GTF2H3: variants seen among roughly 807,000 people sequenced by gnomAD.
The protein encoded by GTF2H3 is general transcription factor IIH subunit 3.
GTF2H3 carries 42 observed loss-of-function variants against 51.1 expected under a neutral mutation model. That is an observed-to-expected ratio of 0.82 (90% CI 0.64 to 1.06). GTF2H3 has a LOEUF of 1.06. Among genes scored for constraint, GTF2H3 ranks in the 50% least tolerant of loss-of-function variants. The probability of loss-of-function intolerance (pLI) is 0.00; values close to 1 mark genes in which losing one functional copy is unlikely to be tolerated. For synonymous variants in GTF2H3, 123 were observed against 123.8 expected (o/e 0.99, Z 0.04); for missense variants, 326 against 366.1 (o/e 0.89, Z 0.89).
chr12:123,646,103 T>C (rs575174451), intron 3 of GTF2H3, among the ~76,000 whole-genome samples: 1 of 152,208 alleles, frequency 6.6e-6, no homozygotes, highest in African/African-American at 2.4e-5. Context: ...TGTGTTAGAC[T>C]CACTGCAAGA....
At chr12:123,655,918 G>T in intron 9 of GTF2H3, 94 bp downstream of exon 9, 15 of 762,934 alleles carry the variant, frequency 2.0e-5, no homozygotes, top group South Asian at 7.2e-5. Context: ...GGGTATATTG[G>T]GTTAAATAAA....
chr12:123,642,997 G>A (rs1214253469), intron 2 of GTF2H3, among the ~76,000 whole-genome samples: 1 of 152,048 alleles, frequency 6.6e-6, no homozygotes, highest in Non-Finnish European at 1.5e-5. Context: ...TCAGCCTCCC[G>A]AGTAGCTGGG....
Position 123,660,059 on chromosome 12 carries a change from C to T in GTF2H3, c.834C>T (p.Phe278=). Residue 278 remains phenylalanine, a synonymous_variant, in exon 12 of 13, where the codon TTC becomes TTT. Coordinates refer to ENST00000543341, the MANE Select transcript of GTF2H3 (RefSeq NM_001516.5). ...TTTAATTTACAGTATTCTGCAATTT[C>T]AGCCCCATTTGTACTACGTGCGAGT... The part of the protein sequence containing the change: ...CSVCLSIFCN[F]SPICTTCETA... 1.2e-6 allele frequency: 2 copies of T among 1,604,546 alleles called. No individual in the cohort carries two copies. The highest frequency in any genetic ancestry group is 1.7e-4 in the Middle Eastern group (1 of 5,908).
chr12:123,645,548 C>T lies in GTF2H3; in HGVS notation c.187C>T (p.His63Tyr), dbSNP rs1955434483. The change falls in exon 3 of 13, where the codon CAC (histidine) becomes TAC (tyrosine). Residue 63 changes from histidine (H) to tyrosine (Y), a missense_variant. Physicochemically the swap from His to Tyr is moderately conservative, Grantham distance 83. Transcript: ENST00000543341. ...RSNKLAVIAS[H>Y]IQESRFLYPG... is the part of the protein sequence containing the mutation. ...CAACAAACTTGCTGTGATAGCAAGT[C>T]ACATTCAAGAAAGGTATGACCATTG... 3.2e-6 allele frequency: 5 copies of T among 1,564,272 alleles called. No individual in the cohort carries two copies. The highest frequency in any genetic ancestry group is 1.4e-5 in the African/African-American group (1 of 73,972).
chr12:123,646,761 A>G (rs1456199000), intron 3 of GTF2H3, among the ~76,000 whole-genome samples: 1 of 151,270 alleles, frequency 6.6e-6, no homozygotes, highest in African/African-American at 2.4e-5. Context: ...TGAAAAGATG[A>G]TATTAGTTTG....
Position 123,660,150 on chromosome 12 carries a change from C to T in GTF2H3, c.858-16C>T. ...CTCTAGAACATTAAAAAATGTTTTC[C>T]TCTCTGTAATTTCAGGACAGCCTTT... On this transcript the variant is annotated splice_polypyrimidine_tract_variant and intron_variant, in intron 12 of 12. Transcript: ENST00000543341. 1 of 1,607,904 alleles carries T rather than the reference C, an allele frequency of 6.2e-7. No individual in the cohort carries two copies. The highest frequency in any genetic ancestry group is 8.5e-7 in the Non-Finnish European group (1 of 1,177,692).
Position 123,652,691 on chromosome 12 carries a change from T to A in GTF2H3, c.458-16T>A. On this transcript the variant is annotated splice_polypyrimidine_tract_variant and intron_variant, in intron 6 of 12. Coordinates refer to ENST00000543341, the MANE Select transcript of GTF2H3 (RefSeq NM_001516.5). Reference sequence around the variant, plus strand: ...AAGATTTAGTTAAATTTTTTTCTGCTTTTTTCTCTTTGTAGACAATCAGGA... The same window carrying A: ...AAGATTTAGTTAAATTTTTTTCTGCATTTTTCTCTTTGTAGACAATCAGGA... The A allele has an allele frequency of 6.5e-7, 1 of 1,535,534 alleles. No homozygotes were observed. The highest frequency in any genetic ancestry group is 1.2e-5 in the South Asian group (1 of 83,452).
chr12:123,639,981 C>G (rs917373994), intron 2 of GTF2H3: 6 of 455,810 alleles, frequency 1.3e-5, no homozygotes, highest in African/African-American at 1.2e-4. Flanking sequence ...GCCTCAGCCT[C>G]CCGAGTACTT....
intron 4 of GTF2H3, chr12:123,650,506 T>C (rs887720888): frequency 1.3e-5 from 2 of 154,930 alleles, no homozygotes; most frequent in African/African-American, 4.8e-5. Context: ...TCTTTTTGTG[T>C]GTGTATGTAT....
At chr12:123,635,225 G>C (rs986730870) in intron 1 of GTF2H3, among the ~76,000 whole-genome samples, 11 of 152,156 alleles carry the variant, frequency 7.2e-5, no homozygotes, top group African/African-American at 2.7e-4. Flanking sequence ...TTCTGTCCTA[G>C]GTGCTTTGTT....
chr12:123,642,064 G>A (rs1276836343), intron 2 of GTF2H3, among the ~76,000 whole-genome samples: 1 of 151,964 alleles, frequency 6.6e-6, no homozygotes, highest in African/African-American at 2.4e-5. Flanking sequence ...ATATTGGTCA[G>A]GCTGATCTCT....
At position 123,662,196 on chromosome 12, in the gene GTF2H3, T is replaced by C. The variant is rs1226370365; in HGVS notation, c.*1961T>C. ...AACCCATTGTGTACAAAACTTTGTA[T>C]GTAAGGAAGATTTTAATTTTCTCTT... On this transcript the variant is annotated 3_prime_UTR_variant, in exon 13 of 13. Transcript: ENST00000543341. 1 of 151,302 alleles carries C rather than the reference T, an allele frequency of 6.6e-6. No individual in the cohort carries two copies. Among genetic ancestry groups the C allele is most frequent in the Non-Finnish European group, 1.5e-5 (1 of 67,884 alleles). The allele number at this position is 151,302 out of a possible 1,614,324, so 9.4% of individuals were successfully genotyped here.
intron 1 of GTF2H3, among the ~76,000 whole-genome samples, chr12:123,634,935 A>G (rs1279173501): frequency 6.6e-6 from 1 of 152,222 alleles, no homozygotes; most frequent in Non-Finnish European, 1.5e-5. Flanking sequence ...TTGCAATTTT[A>G]AAAGATCACT....
At chr12:123,654,568 G>A (rs117273181) in intron 7 of GTF2H3, among the ~76,000 whole-genome samples, 11 of 151,330 alleles carry the variant, frequency 7.3e-5, no homozygotes, top group Non-Finnish European at 1.6e-4. Context: ...TGTGTATTTT[G>A]GGGGTGCATG....
chr12:123,655,419 T>C, intron 8 of GTF2H3: 1 of 306,114 alleles, frequency 3.3e-6, no homozygotes, highest in Non-Finnish European at 6.0e-6. Flanking sequence ...TCTTCTTTGG[T>C]GTGTTTATGA....
chr12:123,655,594 A>G (rs1955576703), intron 8 of GTF2H3, 177 bp from the exon 9 acceptor site: 1 of 514,986 alleles, frequency 1.9e-6, no homozygotes, highest in East Asian at 3.2e-5. Context: ...CTCTGTGACC[A>G]CAGCCCAGCC....
rs1955657985 is a variant in GTF2H3, at chr12:123,661,573, A to C, written c.*1338A>C. 6.6e-6 allele frequency: 1 copy of C among 150,500 alleles called. No homozygotes were observed. Among genetic ancestry groups the C allele is most frequent in the Non-Finnish European group, 1.5e-5 (1 of 67,918 alleles). The allele number at this position is 150,500 out of a possible 1,614,324, so 9.3% of individuals were successfully genotyped here. On this transcript the variant is annotated 3_prime_UTR_variant, in exon 13 of 13. Transcript: ENST00000543341. ...AGAGAATTGCTTGAATCCAGGAGGC[A>C]GAGGTTGCAGTGAGCCAAGATAGCG...
Position 123,659,195 on chromosome 12 carries a change from C to T in GTF2H3, c.616-321C>T, listed in dbSNP as rs186425923. 2.0e-3 allele frequency among the ~76,000 whole-genome samples: 301 copies of T among 152,162 alleles called. 1 individual carries two copies. The highest frequency in any genetic ancestry group is 6.6e-3 in the African/African-American group (274 of 41,524). On this transcript the variant is annotated intron_variant, in intron 9 of 12. Coordinates refer to ENST00000543341, the MANE Select transcript of GTF2H3 (RefSeq NM_001516.5). ...AATTACCATGTGACTGGGGAAACCC[C>T]GTCTCTACTAAAAATACAAAAATTA...
chr12:123,650,622 A>T (rs897194739), intron 4 of GTF2H3: 3 of 165,660 alleles, frequency 1.8e-5, no homozygotes, highest in African/African-American at 7.2e-5. Flanking sequence ...TTAAGTGTAC[A>T]GTTCAGTAAT....
Sources: allele counts gnomAD v4.1 joint callset (sites outside exome capture counted in the v4.1 genomes callset), GRCh38; gene constraint gnomAD v4.1.1; transcripts MANE v1.5; gene names NCBI Gene and HGNC (gene_info 2026-07-23, HGNC 2026-07-21).